The following KIFC3 variants were observed in gnomAD, a reference collection of about 807,000 sequenced individuals.
The protein encoded by KIFC3 is kinesin-like protein KIFC3.
Under a neutral mutation model 101.8 loss-of-function variants are expected in KIFC3, and 60 were observed. The ratio of observed to expected loss-of-function variants is 0.59; its 90% CI spans 0.48 to 0.73. The LOEUF (loss-of-function observed/expected upper bound fraction) is 0.73, where lower values mean the gene tolerates loss of function less well. Ranked by LOEUF, KIFC3 falls within the 30% of genes least tolerant of loss-of-function variation. The probability of loss-of-function intolerance (pLI) is 0.00; values close to 1 mark genes in which losing one functional copy is unlikely to be tolerated. For synonymous variants in KIFC3, 476 were observed against 482.7 expected (o/e 0.99, Z 0.18); for missense variants, 966 against 1,137.1 (o/e 0.85, Z 2.16).
At chr16:57,813,327 C>CAAAAT (rs1478929747) in intron 1 of KIFC3, among the ~76,000 whole-genome samples, 7 of 150,648 alleles carry the variant, frequency 4.6e-5, no homozygotes, top group Admixed American at 1.3e-4. Context: ...GGCCTTGTCT[C>CAAAAT]AAAATAAAAT....
intron 3 of KIFC3, chr16:57,774,735 C>G (rs1392617583): frequency 3.7e-6 from 2 of 538,426 alleles, no homozygotes; most frequent in Non-Finnish European, 5.9e-6. Flanking sequence ...CCATTTTGCC[C>G]AAGCTGGCCT....
intron 1 of KIFC3, among the ~76,000 whole-genome samples, chr16:57,812,432 C>A (rs1438160677): frequency 3.9e-5 from 6 of 152,090 alleles, no homozygotes; most frequent in African/African-American, 1.4e-4. Context: ...CACCCAGCCC[C>A]TCTGCAATCA....
At chr16:57,800,508 C>A (rs2054647520) in intron 1 of KIFC3, among the ~76,000 whole-genome samples, 1 of 152,222 alleles carries the variant, frequency 6.6e-6, no homozygotes, top group South Asian at 2.1e-4. Flanking sequence ...CAAGGCAGGT[C>A]CATCTGCAGT....
chr16:57,813,879 C>T (rs1218481800), intron 1 of KIFC3: 8 of 985,120 alleles, frequency 8.1e-6, no homozygotes, highest in Admixed American at 6.2e-5. Context: ...CCCTGGTAGA[C>T]AGGTAGGCAG....
chr16:57,789,035 A>G (rs2053615954), intron 3 of KIFC3, among the ~76,000 whole-genome samples: 1 of 152,226 alleles, frequency 6.6e-6, no homozygotes, highest in Admixed American at 6.5e-5. Context: ...TCACCAGCAC[A>G]GAGGCTGGCT....
At chr16:57,810,722 G>A (rs912854800) in intron 1 of KIFC3, 8 of 981,440 alleles carry the variant, frequency 8.2e-6, no homozygotes, top group Non-Finnish European at 9.7e-6. Flanking sequence ...CCAGGCAAAG[G>A]GAAAAACTCT....
At position 57,759,730 on chromosome 16, in the gene KIFC3, GAGGGCTGC is replaced by G; in HGVS notation, c.2466_2473del (p.Gln823GlyfsTer19). The stretch of plus-strand genomic sequence containing the variant: ...CCACACTGCCACTCCAGGCTCACCC[GAGGGCTGC>G]AGCTTCCTCCGGATGGATCCAGGGC... On this transcript the variant is annotated frameshift_variant, in exon 18 of 20. Coordinates refer to ENST00000445690, the MANE Select transcript of KIFC3 (RefSeq NM_001130100.2). LOFTEE classifies it high-confidence loss of function. The G allele has an allele frequency of 6.2e-7, 1 of 1,608,214 alleles. No individual in the cohort carries two copies. Among genetic ancestry groups the G allele is most frequent in the South Asian group, 1.1e-5 (1 of 90,040 alleles).
At chr16:57,836,653 TTCTCAGCCCTTTATGGGACA>T (rs1242192427) in intron 1 of KIFC3, among the ~76,000 whole-genome samples, 2 of 152,192 alleles carry the variant, frequency 1.3e-5, no homozygotes, top group African/African-American at 2.4e-5. Context: ...TCTCCTGGCT[TTCTCAGCCCTTTATGGGACA>T]TCTCAGCCCT....
At chr16:57,786,422 G>A (rs1420560685) in intron 3 of KIFC3, among the ~76,000 whole-genome samples, 1 of 152,112 alleles carries the variant, frequency 6.6e-6, no homozygotes, top group Non-Finnish European at 1.5e-5. Context: ...ACCTGTGCAC[G>A]GGGCCTGGGA....
intron 1 of KIFC3, among the ~76,000 whole-genome samples, chr16:57,854,675 G>A (rs867297221): frequency 5.3e-5 from 8 of 151,018 alleles, no homozygotes; most frequent in South Asian, 2.1e-4. Context: ...AGATAGAAAC[G>A]TGAGCAACAC....
At chr16:57,772,356 G>T (rs1555609397) in intron 3 of KIFC3, 68 bp from the exon 4 acceptor site, 1 of 1,359,438 alleles carries the variant, frequency 7.4e-7, no homozygotes, top group East Asian at 2.3e-5. Context: ...CAGGCCTCCT[G>T]CCCAGCACCA....
rs782180762 is a variant in KIFC3, at chr16:57,761,572, C to CA, written c.1749-37dup. ...AGGTGAGACAGTCACCCCCTCCTCCCATTTCCAGCTGCTGTTTGCACTGCA... is the reference window on the plus strand; with the variant it reads ...AGGTGAGACAGTCACCCCCTCCTCCCAATTTCCAGCTGCTGTTTGCACTGCA... On this transcript the variant is annotated intron_variant, in intron 13 of 19. Coordinates refer to ENST00000445690, the MANE Select transcript of KIFC3 (RefSeq NM_001130100.2). 8 of 1,603,084 alleles carry CA rather than the reference C, an allele frequency of 5.0e-6. No individual in the cohort carries two copies. The Admixed American group carries it at 6.7e-5, about 13-fold the overall frequency.
At chr16:57,767,044 C>T in intron 9 of KIFC3, 59 bp from the exon 10 acceptor site, 1 of 1,395,238 alleles carries the variant, frequency 7.2e-7, no homozygotes. Context: ...ACCGGCCTGA[C>T]TGCCCACCCC....
At chr16:57,843,830 G>A (rs1431158094) in intron 1 of KIFC3, among the ~76,000 whole-genome samples, 3 of 152,100 alleles carry the variant, frequency 2.0e-5, no homozygotes, top group South Asian at 2.1e-4. Context: ...TTCCTTGGCC[G>A]GGCATGGTGG....
At chr16:57,822,069 T>C (rs887843584) in intron 1 of KIFC3, among the ~76,000 whole-genome samples, 2 of 152,038 alleles carry the variant, frequency 1.3e-5, no homozygotes, top group Admixed American at 6.6e-5. Flanking sequence ...AGTGAGACCC[T>C]GTCTCAAAAA....
chr16:57,760,748 C>G lies in KIFC3; in HGVS notation c.2210G>C (p.Ser737Thr), dbSNP rs1555595715. Residue 737 changes from serine to threonine, a missense_variant, in exon 16 of 20, where the codon AGC (serine) becomes ACC (threonine). By Grantham distance (58) the Ser-to-Thr change is moderately conservative. Around this residue, in one of 2 missense-constraint regions of KIFC3, gnomAD observed 689 missense variants for 884.6 expected, o/e 0.78. Transcript: ENST00000445690. ...CACCTGTACCACCATGAGGGTCTTG[C>G]TGTCACCACTAAGCGAATCCTGCAG... ...YLLQDSLSGD[S>T]KTLMVVQVSP... The G allele has an allele frequency of 6.2e-7, 1 of 1,613,818 alleles. No individual in the cohort carries two copies. The highest frequency in any genetic ancestry group is 1.1e-5 in the South Asian group (1 of 91,092).
intron 3 of KIFC3, among the ~76,000 whole-genome samples, chr16:57,790,592 G>A (rs1289557428): frequency 1.3e-5 from 2 of 151,990 alleles, no homozygotes; most frequent in African/African-American, 4.8e-5. Flanking sequence ...TGTGACGGTC[G>A]GCAAGTTGCT....
intron 1 of KIFC3, among the ~76,000 whole-genome samples, chr16:57,808,326 G>A (rs2054989863): frequency 6.6e-6 from 1 of 151,008 alleles, no homozygotes; most frequent in Admixed American, 6.6e-5. Flanking sequence ...CCCCGCCCCC[G>A]GCCCGCCTCT....
At chr16:57,797,006 G>C (rs377339878) in intron 2 of KIFC3, among the ~76,000 whole-genome samples, 2 of 152,322 alleles carry the variant, frequency 1.3e-5, no homozygotes, top group East Asian at 1.9e-4. Context: ...TTTTCCCCAG[G>C]CCCCTGGGTC....
Sources: allele counts gnomAD v4.1 joint callset (sites outside exome capture counted in the v4.1 genomes callset), GRCh38; gene constraint gnomAD v4.1.1; regional missense constraint gnomAD v4.1.1; transcripts MANE v1.5; gene names NCBI Gene and HGNC (gene_info 2026-07-23, HGNC 2026-07-21).